Variants in BTBD10 observed in about 807,000 individuals in gnomAD.
BTBD10 encodes BTB domain containing 10.
BTBD10 carries 21 observed loss-of-function variants against 53.2 expected under a neutral mutation model. The observed-to-expected ratio is 0.39, with a 90% CI of 0.28 to 0.57. The LOEUF (loss-of-function observed/expected upper bound fraction) is 0.57, where lower values mean the gene tolerates loss of function less well. Among genes scored for constraint, BTBD10 ranks in the 20% least tolerant of loss-of-function variants. The probability of loss-of-function intolerance (pLI) is 0.53; values close to 1 mark genes in which losing one functional copy is unlikely to be tolerated. For missense variants in BTBD10, 360 were observed against 594.7 expected (o/e 0.61, Z 4.10); for synonymous variants, 149 against 192.7 (o/e 0.77, Z 1.88).
chr11:13,408,453 C>T (rs899850789), intron 6 of BTBD10, among the ~76,000 whole-genome samples: 8 of 152,170 alleles, frequency 5.3e-5, no homozygotes, highest in Non-Finnish European at 7.3e-5. Context: ...TCCTTTAATA[C>T]ACTTTGTTTA....
intron 8 of BTBD10, among the ~76,000 whole-genome samples, chr11:13,400,201 C>T (rs1294527479): frequency 2.6e-5 from 4 of 152,262 alleles, no homozygotes; most frequent in Non-Finnish European, 4.4e-5. Flanking sequence ...CCACCCAGTT[C>T]GAGCTTCCAG....
At chr11:13,392,994 C>A (rs2135732695) in intron 8 of BTBD10, among the ~76,000 whole-genome samples, 1 of 152,182 alleles carries the variant, frequency 6.6e-6, no homozygotes, top group African/African-American at 2.4e-5. Flanking sequence ...AGAACCCAAC[C>A]CTAGGAGGTT....
At chr11:13,400,268 C>G (rs911187218) in intron 8 of BTBD10, among the ~76,000 whole-genome samples, 2 of 152,212 alleles carry the variant, frequency 1.3e-5, no homozygotes, top group Admixed American at 1.3e-4. Flanking sequence ...CCCCCAGCCT[C>G]GCTGCCACCT....
Position 13,447,287 on chromosome 11 carries a change from C to T in BTBD10, c.-57-2106G>A, listed in dbSNP as rs1418169030. Among the ~76,000 whole-genome samples the T allele has an allele frequency of 3.9e-5, 6 of 152,088 alleles. No homozygotes were observed. The East Asian group carries it at 9.6e-4, about 24-fold the overall frequency. ...AGCCGTTTCTTTCGAGACAGGGTCT[C>T]AATCTGTCACCCAGAGTGGAGTACA... On this transcript the variant is annotated intron_variant, in intron 1 of 8. Transcript: ENST00000278174.
At chr11:13,415,704 C>T (rs1160757468) in intron 5 of BTBD10, among the ~76,000 whole-genome samples, 1 of 151,736 alleles carries the variant, frequency 6.6e-6, no homozygotes, top group Admixed American at 6.6e-5. Flanking sequence ...TAAATATTTT[C>T]TTTTATCTTG....
chr11:13,414,844 G>GAAAAGA (rs1950058184), intron 5 of BTBD10, among the ~76,000 whole-genome samples: 1 of 85,108 alleles, frequency 1.2e-5, no homozygotes, highest in South Asian at 5.5e-4. Context: ...CATCTCAAAC[G>GAAAAGA]AAAAAAAAAA....
intron 1 of BTBD10, among the ~76,000 whole-genome samples, chr11:13,458,432 G>T (rs1031584501): frequency 6.6e-6 from 1 of 152,114 alleles, no homozygotes; most frequent in African/African-American, 2.4e-5. Context: ...ACAGCACAAT[G>T]AACAAGTTTT....
At chr11:13,407,975 C>T (rs2135782430) in intron 6 of BTBD10, among the ~76,000 whole-genome samples, 1 of 152,246 alleles carries the variant, frequency 6.6e-6, no homozygotes, top group East Asian at 1.9e-4. Flanking sequence ...TTTCAGTCAT[C>T]CCAGTCCTGG....
intron 2 of BTBD10, among the ~76,000 whole-genome samples, chr11:13,432,652 A>G (rs1421851214): frequency 6.6e-6 from 1 of 152,126 alleles, no homozygotes; most frequent in Non-Finnish European, 1.5e-5. Flanking sequence ...TAAAAAATGT[A>G]TCCATAAAAT....
intron 8 of BTBD10, among the ~76,000 whole-genome samples, chr11:13,395,845 T>C (rs1332604720): frequency 6.6e-6 from 1 of 152,206 alleles, no homozygotes; most frequent in Non-Finnish European, 1.5e-5. Flanking sequence ...GATCAGATAG[T>C]TGTAGATATG....
chr11:13,424,043 G>A (rs1950291502), intron 2 of BTBD10, among the ~76,000 whole-genome samples: 1 of 152,006 alleles, frequency 6.6e-6, no homozygotes, highest in African/African-American at 2.4e-5. Flanking sequence ...TAGGAATACT[G>A]GAATTTCTGG....
chr11:13,430,418 T>C (rs1950425264), intron 2 of BTBD10, among the ~76,000 whole-genome samples: 1 of 152,188 alleles, frequency 6.6e-6, no homozygotes, highest in South Asian at 2.1e-4. Context: ...ACACTTGTGG[T>C]AGGAATGGAA....
At chr11:13,416,205 T>A (rs1243575489) in intron 5 of BTBD10, among the ~76,000 whole-genome samples, 2 of 151,326 alleles carry the variant, frequency 1.3e-5, no homozygotes, top group Admixed American at 1.3e-4. Flanking sequence ...TACAAAAAAA[T>A]TAGCTGGGCG....
At chr11:13,452,042 T>C (rs1950870775) in intron 1 of BTBD10, among the ~76,000 whole-genome samples, 2 of 151,918 alleles carry the variant, frequency 1.3e-5, no homozygotes, top group African/African-American at 2.4e-5. Context: ...AACAGATCAA[T>C]AGAAACTACC....
At chr11:13,443,644 G>A (rs1455446501) in intron 2 of BTBD10, among the ~76,000 whole-genome samples, 1 of 151,736 alleles carries the variant, frequency 6.6e-6, no homozygotes, top group African/African-American at 2.4e-5. Context: ...ACCCAGGCTG[G>A]AATGCAGTGG....
intron 1 of BTBD10, among the ~76,000 whole-genome samples, chr11:13,452,782 A>G (rs1950887748): frequency 6.6e-6 from 1 of 152,210 alleles, no homozygotes; most frequent in South Asian, 2.1e-4. Context: ...AAATGAAGAA[A>G]ATAACACAAT....
At chr11:13,421,906 C>T (rs1591131234) in intron 2 of BTBD10, 68 bp from the exon 3 acceptor site, 4 of 1,304,156 alleles carry the variant, frequency 3.1e-6, no homozygotes. Flanking sequence ...TTAAAAGAAA[C>T]ACCCAAGTAA....
intron 8 of BTBD10, among the ~76,000 whole-genome samples, chr11:13,397,581 C>T (rs1041482842): frequency 1.3e-5 from 2 of 151,966 alleles, no homozygotes; most frequent in African/African-American, 4.8e-5. Context: ...TGCCTTCTGC[C>T]AGCTTTTGAA....
intron 4 of BTBD10, among the ~76,000 whole-genome samples, chr11:13,418,347 C>A (rs917305731): frequency 6.6e-6 from 1 of 151,966 alleles, no homozygotes; most frequent in Non-Finnish European, 1.5e-5. Context: ...AAACTTTTTA[C>A]AAAAGGGGAA....
Sources: gnomAD v4.1 joint callset for allele counts (sites outside exome capture counted in the v4.1 genomes callset) on GRCh38, gnomAD v4.1.1 for gene constraint, MANE v1.5 for transcripts, NCBI Gene and HGNC (gene_info 2026-07-23, HGNC 2026-07-21) for gene names.